The following FEM1B variants were observed in gnomAD, a reference collection of about 807,000 sequenced individuals.
The protein encoded by FEM1B is protein fem-1 homolog B.
FEM1B carries 10 observed loss-of-function variants against 38.6 expected under a neutral mutation model. That is an observed-to-expected ratio of 0.26 (90% CI 0.16 to 0.44). FEM1B has a LOEUF of 0.44. Ranked by LOEUF, FEM1B falls within the 20% of genes least tolerant of loss-of-function variation. The probability of loss-of-function intolerance (pLI) is 1.00; values close to 1 mark genes in which losing one functional copy is unlikely to be tolerated. For synonymous variants in FEM1B, 288 were observed against 288.0 expected (o/e 1.00, Z 0.00); for missense variants, 471 against 786.7 (o/e 0.60, Z 4.80).
chr15:68,283,384 C>G (rs1187045592), intron 1 of FEM1B, among the ~76,000 whole-genome samples: 1 of 151,602 alleles, frequency 6.6e-6, no homozygotes, highest in African/African-American at 2.4e-5. Context: ...AAAAACCAGG[C>G]CAGTTGCAGT....
chr15:68,278,733 C>A lies in FEM1B; in HGVS notation c.248+68C>A, dbSNP rs1001452062. 6.3e-7 allele frequency: 1 copy of A among 1,584,390 alleles called. No individual in the cohort carries two copies. The highest frequency in any genetic ancestry group is 1.3e-5 in the African/African-American group (1 of 74,402). ...TCGTTAATTCACGGGCCCTCCCCTC[C>A]CTCACCCTCTCTTACCCTCTCTTCA... On this transcript the variant is annotated intron_variant, in intron 1 of 1. Transcript: ENST00000306917. The surrounding 1 kb of genome is among the most constrained non-coding windows in gnomAD (Gnocchi z 5.7).
chr15:68,286,461 C>T (rs1026594721), intron 1 of FEM1B, among the ~76,000 whole-genome samples: 7 of 148,138 alleles, frequency 4.7e-5, no homozygotes, highest in East Asian at 1.9e-4. Flanking sequence ...ATTGTAGCCT[C>T]GACCTCTTGG....
At position 68,293,643 on chromosome 15, in the gene FEM1B, C is replaced by T. The variant is rs1892870972; in HGVS notation, c.*2401C>T. On this transcript the variant is annotated 3_prime_UTR_variant, in exon 2 of 2. Coordinates refer to ENST00000306917, the MANE Select transcript of FEM1B (RefSeq NM_015322.5). The surrounding 1 kb of genome is among the most constrained non-coding windows in gnomAD (Gnocchi z 5.8). ...TAGTGGTAAATTGTGTAGTATCTTG[C>T]TGAGAATCTAATTCTATCTTGTAAA... The T allele has an allele frequency of 6.6e-6, 1 of 152,046 alleles. No homozygotes were observed. The highest frequency in any genetic ancestry group is 2.1e-4 in the South Asian group (1 of 4,828). The allele number at this position is 152,046 out of a possible 1,614,324, so 9.4% of individuals were successfully genotyped here. A position where few individuals can be genotyped will look rare whatever the true frequency, so the allele number is the denominator to read the frequency against.
At position 68,290,060 on chromosome 15, in the gene FEM1B, C is replaced by T. The variant is rs142803256; in HGVS notation, c.702C>T (p.Val234=). The change falls in exon 2 of 2, where the codon GTC becomes GTT. Residue 234 remains valine (V), a synonymous_variant. Transcript: ENST00000306917. The surrounding 1 kb of genome is among the most constrained non-coding windows in gnomAD (Gnocchi z 9.7). ...KVAAESCKAD[V]VELLLSHADC... ...CTGCCGAAAGCTGTAAAGCTGATGT[C>T]GTAGAACTGTTACTCTCTCATGCTG... 6.3e-5 allele frequency: 101 copies of T among 1,614,204 alleles called. No homozygotes were observed. Among genetic ancestry groups the T allele is most frequent in the Non-Finnish European group, 7.8e-5 (92 of 1,180,038 alleles).
In FEM1B at chr15:68,293,395, C is replaced by T. The variant is rs1282469522; in HGVS notation, c.*2153C>T. On this transcript the variant is annotated 3_prime_UTR_variant, in exon 2 of 2. Transcript: ENST00000306917. This position sits in a 1 kb window ranked among gnomAD's most constrained non-coding sequence, Gnocchi z 5.8. ...TTTCATCCCTTTGGCTACCCAGGAC[C>T]AGCACTATTTAAGACACTGCTTATT... 1.3e-5 allele frequency: 2 copies of T among 152,124 alleles called. No individual in the cohort carries two copies. The highest frequency in any genetic ancestry group is 1.3e-4 in the Admixed American group (2 of 15,276). The allele number at this position is 152,124 out of a possible 1,614,324, so 9.4% of individuals were successfully genotyped here. A position where few individuals can be genotyped will look rare whatever the true frequency, so the allele number is the denominator to read the frequency against.
At chr15:68,283,533 G>T (rs74370426) in intron 1 of FEM1B, among the ~76,000 whole-genome samples, 6,019 of 128,798 alleles carry the variant, frequency 0.047, 508 homozygotes, top group African/African-American at 0.18. Flanking sequence ...AAAAAAAAAA[G>T]GTAGTATGCA....
chr15:68,291,971 C>CTA lies in FEM1B; in HGVS notation c.*731_*732dup, dbSNP rs1213372560. 5.3e-5 allele frequency: 8 copies of CTA among 152,136 alleles called. No homozygotes were observed. Among genetic ancestry groups the CTA allele is most frequent in the African/African-American group, 1.9e-4 (8 of 41,444 alleles). 9.4% of individuals were successfully genotyped at this position (152,136 alleles called of 1,614,324 possible). ...CCTTTAGGCTTGAATTCTTCAAAGT[C>CTA]TATTTTAATGAAATTTATCTAAATT... On this transcript the variant is annotated 3_prime_UTR_variant, in exon 2 of 2. Coordinates refer to ENST00000306917, the MANE Select transcript of FEM1B (RefSeq NM_015322.5). The surrounding 1 kb of genome is among the most constrained non-coding windows in gnomAD (Gnocchi z 6.9).
In FEM1B at chr15:68,284,028, G is replaced by A. The variant is rs1441245941; in HGVS notation, c.248+5363G>A. 6.6e-6 allele frequency among the ~76,000 whole-genome samples: 1 copy of A among 151,950 alleles called. No homozygotes were observed. Among genetic ancestry groups the A allele is most frequent in the African/African-American group, 2.4e-5 (1 of 41,348 alleles). On this transcript the variant is annotated intron_variant, in intron 1 of 1. Coordinates refer to ENST00000306917, the MANE Select transcript of FEM1B (RefSeq NM_015322.5). This position sits in a 1 kb window ranked among gnomAD's most constrained non-coding sequence, Gnocchi z 4.4. ...AGCCTCCCGAGTAGCTGGGATTACAGACATGCGCCACCACACCTGGCTAAT... is the reference window on the plus strand; with the variant it reads ...AGCCTCCCGAGTAGCTGGGATTACAAACATGCGCCACCACACCTGGCTAAT...
rs1281745146 is a variant in FEM1B at position 68,292,498 on chromosome 15, G to A, written c.*1256G>A. 6.6e-6 allele frequency: 1 copy of A among 152,060 alleles called. No individual in the cohort carries two copies. The highest frequency in any genetic ancestry group is 1.9e-4 in the East Asian group (1 of 5,192). 9.4% of individuals were successfully genotyped at this position (152,060 alleles called of 1,614,324 possible). ...TCTTTTAAGCATTACAGAAATTCAA[G>A]TGAAAGTTATATGCTTATTTCTATT... On this transcript the variant is annotated 3_prime_UTR_variant, in exon 2 of 2. Transcript: ENST00000306917.
intron 1 of FEM1B, among the ~76,000 whole-genome samples, chr15:68,286,382 C>T (rs1892786916): frequency 6.6e-6 from 1 of 152,088 alleles, no homozygotes; most frequent in South Asian, 2.1e-4. Flanking sequence ...TTCTTTCTCT[C>T]CTTCCCATTT....
chr15:68,285,785 G>T (rs1892777849), intron 1 of FEM1B, among the ~76,000 whole-genome samples: 1 of 150,904 alleles, frequency 6.6e-6, no homozygotes. Flanking sequence ...CCTCTTCTTA[G>T]CCCCCCCGCA....
intron 1 of FEM1B, among the ~76,000 whole-genome samples, chr15:68,286,987 A>G (rs929210608): frequency 6.7e-6 from 1 of 149,608 alleles, no homozygotes; most frequent in Non-Finnish European, 1.5e-5. Flanking sequence ...TCCTGGGTTC[A>G]AGTGATTCTC....
Position 68,289,575 on chromosome 15 carries a change from G to A in FEM1B, c.249-32G>A. The A allele has an allele frequency of 2.5e-5, 39 of 1,569,370 alleles. No individual in the cohort carries two copies. The highest frequency in any genetic ancestry group is 3.3e-5 in the Non-Finnish European group (38 of 1,142,526). ...AAACATATGTTAGGCTGTGGCCTCTGTTATCTAACTGCTTATTCTTTTCAT... is the reference window on the plus strand; with the variant it reads ...AAACATATGTTAGGCTGTGGCCTCTATTATCTAACTGCTTATTCTTTTCAT... On this transcript the variant is annotated intron_variant, in intron 1 of 1. Coordinates refer to ENST00000306917, the MANE Select transcript of FEM1B (RefSeq NM_015322.5). The surrounding 1 kb of genome is among the most constrained non-coding windows in gnomAD (Gnocchi z 6.9).
Position 68,291,478 on chromosome 15 carries a change from C to CTAT in FEM1B, c.*238_*240dup, listed in dbSNP as rs1400676276. 2.4e-6 allele frequency: 1 copy of CTAT among 422,624 alleles called. No individual in the cohort carries two copies. Among genetic ancestry groups the CTAT allele is most frequent in the African/African-American group, 2.1e-5 (1 of 48,654 alleles). The allele number at this position is 422,624 out of a possible 1,614,324, so 26.2% of individuals were successfully genotyped here. A position where few individuals can be genotyped will look rare whatever the true frequency, so the allele number is the denominator to read the frequency against. ...TATAAGGTATTTGCATATTGGTTAC[C>CTAT]TATTTGTCTTTCTTTTTTTTAAAGG... On this transcript the variant is annotated 3_prime_UTR_variant, in exon 2 of 2. Coordinates refer to ENST00000306917, the MANE Select transcript of FEM1B (RefSeq NM_015322.5). The surrounding 1 kb of genome is among the most constrained non-coding windows in gnomAD (Gnocchi z 6.9).
rs1001991328 is a variant in FEM1B, at chr15:68,288,097, T to C, written c.249-1510T>C. 1.3e-5 allele frequency among the ~76,000 whole-genome samples: 2 copies of C among 152,350 alleles called. No homozygotes were observed. Among genetic ancestry groups the C allele is most frequent in the African/African-American group, 2.4e-5 (1 of 41,584 alleles). ...TGCCCACTTCAGCCTCCCAAAGTAC[T>C]GAGATGATAGGCGTGAGCCACCATG... On this transcript the variant is annotated intron_variant, in intron 1 of 1. Transcript: ENST00000306917. This position sits in a 1 kb window ranked among gnomAD's most constrained non-coding sequence, Gnocchi z 4.6.
Position 68,290,831 on chromosome 15 carries a change from T to A in FEM1B, c.1473T>A (p.Ala491=). The A allele has an allele frequency of 6.2e-7, 1 of 1,614,128 alleles. No individual in the cohort carries two copies. The highest frequency in any genetic ancestry group is 2.2e-5 in the East Asian group (1 of 44,890). The part of the protein sequence containing the change: ...TREGFTLLHL[A]VNSNTPVDDF... ...AAGGTTTCACCTTGCTGCATCTGGC[T>A]GTCAATTCCAATACTCCAGTTGATG... Residue 491 remains alanine, a synonymous_variant, in exon 2 of 2, where the codon GCT becomes GCA. Coordinates refer to ENST00000306917, the MANE Select transcript of FEM1B (RefSeq NM_015322.5). This position sits in a 1 kb window ranked among gnomAD's most constrained non-coding sequence, Gnocchi z 9.7.
chr15:68,278,358 C>CG lies in FEM1B; in HGVS notation c.-55dup. ...TTAAAGCGCTGGCGAACGCGGCCTC[C>CG]GGGGGCGCACGGCAGCTGCAGCGGT... is the stretch of plus-strand genomic sequence containing the variant. On this transcript the variant is annotated 5_prime_UTR_variant, in exon 1 of 2. Coordinates refer to ENST00000306917, the MANE Select transcript of FEM1B (RefSeq NM_015322.5). This position sits in a 1 kb window ranked among gnomAD's most constrained non-coding sequence, Gnocchi z 5.7. The CG allele has an allele frequency of 6.4e-7, 1 of 1,559,064 alleles. No homozygotes were observed. Among genetic ancestry groups the CG allele is most frequent in the East Asian group, 2.3e-5 (1 of 42,662 alleles).
Position 68,289,579 on chromosome 15 carries a change from T to TCTAA in FEM1B, c.249-25_249-22dup, listed in dbSNP as rs758058919. On this transcript the variant is annotated intron_variant, in intron 1 of 1. Coordinates refer to ENST00000306917, the MANE Select transcript of FEM1B (RefSeq NM_015322.5). The surrounding 1 kb of genome is among the most constrained non-coding windows in gnomAD (Gnocchi z 6.9). ...ATATGTTAGGCTGTGGCCTCTGTTA[T>TCTAA]CTAACTGCTTATTCTTTTCATGTGT... 6.3e-7 allele frequency: 1 copy of TCTAA among 1,585,658 alleles called. No individual in the cohort carries two copies. Among genetic ancestry groups the TCTAA allele is most frequent in the Non-Finnish European group, 8.6e-7 (1 of 1,156,478 alleles).
chr15:68,278,395 G>T lies in FEM1B; in HGVS notation c.-23G>T. The T allele has an allele frequency of 6.2e-7, 1 of 1,601,316 alleles. No homozygotes were observed. Among genetic ancestry groups the T allele is most frequent in the South Asian group, 1.1e-5 (1 of 90,016 alleles). On this transcript the variant is annotated 5_prime_UTR_variant, in exon 1 of 2. Coordinates refer to ENST00000306917, the MANE Select transcript of FEM1B (RefSeq NM_015322.5). This position sits in a 1 kb window ranked among gnomAD's most constrained non-coding sequence, Gnocchi z 5.7. Reference sequence around the variant, plus strand: ...GCAGCTGCAGCGGTGGCGACCAAACGGGTGTTGGAGTTGGCGGCGGCCATG... The same window carrying T: ...GCAGCTGCAGCGGTGGCGACCAAACTGGTGTTGGAGTTGGCGGCGGCCATG...
Sources: gnomAD v4.1 joint callset for allele counts (sites outside exome capture counted in the v4.1 genomes callset) on GRCh38, gnomAD v4.1.1 for gene constraint, Gnocchi (gnomAD v3.1) non-coding constraint, MANE v1.5 for transcripts, NCBI Gene and HGNC (gene_info 2026-07-23, HGNC 2026-07-21) for gene names.